The following EIF4G1 variants were observed in gnomAD, a reference collection of about 807,000 sequenced individuals.
EIF4G1 encodes EIF4-gamma.
Under a neutral mutation model 187.8 loss-of-function variants are expected in EIF4G1, and 4 were observed. That is an observed-to-expected ratio of 0.02 (90% CI 0.01 to 0.05). The LOEUF (loss-of-function observed/expected upper bound fraction) is 0.05. EIF4G1 is among the 10% of genes least tolerant of loss of function. EIF4G1 has a pLI of 1.00. For synonymous variants in EIF4G1, 844 were observed against 781.4 expected (o/e 1.08, Z -1.34); for missense variants, 1,647 against 2,081.1 (o/e 0.79, Z 4.06).
In EIF4G1 at chr3:184,328,948, T is replaced by A; in HGVS notation, c.4119T>A (p.Ala1373=). The A allele has an allele frequency of 1.2e-6, 2 of 1,614,172 alleles. No individual in the cohort carries two copies. The highest frequency in any genetic ancestry group is 2.7e-5 in the African/African-American group (2 of 75,028). ...CTCTGAGACCGTTGGGCAAAGCTGC[T>A]TCCCTGTTGCTGGAGATCCTGGGCC... ...TKPLRPLGKA[A]SLLLEILGLL... The change falls in exon 28 of 33, where the codon GCT becomes GCA. Residue 1373 remains alanine, a synonymous_variant. Coordinates refer to ENST00000346169, the MANE Select transcript of EIF4G1 (RefSeq NM_198241.3).
At chr3:184,314,758 C>G (rs1722398724) in intron 1 of EIF4G1, 84 bp downstream of exon 1, 1 of 146,636 alleles carries the variant, frequency 6.8e-6, no homozygotes, top group Non-Finnish European at 1.5e-5. Flanking sequence ...GACCGGCCAC[C>G]CTGCGCCGCC....
At chr3:184,332,360 C>T (rs1164728519) in intron 32 of EIF4G1, among the ~76,000 whole-genome samples, 1 of 152,190 alleles carries the variant, frequency 6.6e-6, no homozygotes, top group Non-Finnish European at 1.5e-5. Context: ...TAGGATCTTC[C>T]CAGTACCGTG....
chr3:184,320,853 A>C, intron 8 of EIF4G1, 74 bp from the exon 9 acceptor site: 6 of 1,608,394 alleles, frequency 3.7e-6, no homozygotes, highest in Non-Finnish European at 5.1e-6. Context: ...GCAGAGCTAA[A>C]GTAGAAATGG....
At position 184,328,680 on chromosome 3, in the gene EIF4G1, C is replaced by A. The variant is rs1560227424; in HGVS notation, c.4003C>A (p.His1335Asn). 6.2e-7 allele frequency: 1 copy of A among 1,614,166 alleles called. No individual in the cohort carries two copies. The highest frequency in any genetic ancestry group is 8.5e-7 in the Non-Finnish European group (1 of 1,180,018). ...LAEDMEIDIP[H>N]VWLYLAELVT... The stretch of plus-strand genomic sequence containing the variant: ...TGAGGACATGGAAATTGACATCCCC[C>A]ACGTGTGGCTCTACCTAGCGGAACT... Residue 1335 changes from histidine to asparagine, a missense_variant, in exon 27 of 33, where the codon CAC becomes AAC. Transcript: ENST00000346169.
chr3:184,328,500 G>A lies in EIF4G1; in HGVS notation c.3954-131G>A. 7 of 1,327,620 alleles carry A rather than the reference G, an allele frequency of 5.3e-6. No individual in the cohort carries two copies. In the South Asian group the frequency reaches 7.1e-5, roughly 13 times the overall value. 82.2% of individuals were successfully genotyped at this position (1,327,620 alleles called of 1,614,324 possible). On this transcript the variant is annotated intron_variant, in intron 26 of 32. Transcript: ENST00000346169. ...AAGGACACAGAGGTGGCCTTAGCTT[G>A]AAATAATTGTCCCCATGTCTAGAAA...
Position 184,325,138 on chromosome 3 carries a change from G to A in EIF4G1, c.2856+24G>A. On this transcript the variant is annotated intron_variant, in intron 18 of 32. Coordinates refer to ENST00000346169, the MANE Select transcript of EIF4G1 (RefSeq NM_198241.3). The surrounding 1 kb of genome is among the most constrained non-coding windows in gnomAD (Gnocchi z 5.2). ...AGGTAGAGGTCCTTGCATCTGGAGGGGGATGGGCTGAAGCATATGTGGGGC... is the reference window on the plus strand; with the variant it reads ...AGGTAGAGGTCCTTGCATCTGGAGGAGGATGGGCTGAAGCATATGTGGGGC... 1 of 1,612,212 alleles carries A rather than the reference G, an allele frequency of 6.2e-7. No individual in the cohort carries two copies. Among genetic ancestry groups the A allele is most frequent in the Non-Finnish European group, 8.5e-7 (1 of 1,178,322 alleles).
Position 184,334,966 on chromosome 3 carries a change from G to T in EIF4G1, c.*58G>T. On this transcript the variant is annotated 3_prime_UTR_variant, in exon 33 of 33. Transcript: ENST00000346169. The surrounding 1 kb of genome is among the most constrained non-coding windows in gnomAD (Gnocchi z 5.8). ...GGACACACAGATGGCCCGGCTAGCC[G>T]CCTGGACTGCAGGGGGGCGGCAGCA... 2 of 1,605,976 alleles carry T rather than the reference G, an allele frequency of 1.2e-6. No individual in the cohort carries two copies. Among genetic ancestry groups the T allele is most frequent in the Non-Finnish European group, 8.5e-7 (1 of 1,176,328 alleles).
chr3:184,320,251 T>C, intron 7 of EIF4G1: 1 of 1,219,134 alleles, frequency 8.2e-7, no homozygotes, highest in Non-Finnish European at 1.0e-6. Flanking sequence ...TGGCTCCACC[T>C]ACTGGATCTG....
At position 184,332,061 on chromosome 3, in the gene EIF4G1, T is replaced by C. The variant is rs1726216006; in HGVS notation, c.4593T>C (p.Leu1531=). 1 of 1,614,102 alleles carries C rather than the reference T, an allele frequency of 6.2e-7. No homozygotes were observed. Among genetic ancestry groups the C allele is most frequent in the East Asian group, 2.2e-5 (1 of 44,868 alleles). The change falls in exon 32 of 33, where the codon CTT becomes CTC. Residue 1531 remains leucine, a synonymous_variant. Coordinates refer to ENST00000346169, the MANE Select transcript of EIF4G1 (RefSeq NM_198241.3). Reference sequence around the variant, plus strand: ...AGGCGCTCTACGCCCTCCAGGCCCTTGTAGTGACCTTAGAACAGCCTCCCA... The same window carrying C: ...AGGCGCTCTACGCCCTCCAGGCCCTCGTAGTGACCTTAGAACAGCCTCCCA... The part of the protein sequence containing the change: ...ELQALYALQA[L]VVTLEQPPNL...
rs768520497 is a variant in EIF4G1 at position 184,321,810 on chromosome 3, C to T, written c.1226C>T (p.Ser409Leu). 27 of 1,613,894 alleles carry T rather than the reference C, an allele frequency of 1.7e-5. No individual in the cohort carries two copies. Among genetic ancestry groups the T allele is most frequent in the Admixed American group, 5.0e-5 (3 of 60,000 alleles). Residue 409 changes from serine (S) to leucine (L), a missense_variant, in exon 10 of 33, where the codon TCG (serine) becomes TTG (leucine). By Grantham distance (145) the Ser-to-Leu change is moderately radical. Coordinates refer to ENST00000346169, the MANE Select transcript of EIF4G1 (RefSeq NM_198241.3). ...QPEELLNGAPSPPAVDLSPVS... is the reference protein window; with the variant it reads ...QPEELLNGAPLPPAVDLSPVS... ...GAGGAACTGCTCAACGGAGCCCCCT[C>T]GCCACCAGCTGTGGACTTAAGCCCA...
chr3:184,331,461 T>G lies in EIF4G1; in HGVS notation c.4261-11T>G. On this transcript the variant is annotated splice_polypyrimidine_tract_variant and intron_variant, in intron 29 of 32. Coordinates refer to ENST00000346169, the MANE Select transcript of EIF4G1 (RefSeq NM_198241.3). ...ACCTTACCTCTTAACTGCGGGCCTTTTCCATTGCAGAAGGTGGAGTATACC... is the reference window on the plus strand; with the variant it reads ...ACCTTACCTCTTAACTGCGGGCCTTGTCCATTGCAGAAGGTGGAGTATACC... The G allele has an allele frequency of 1.2e-6, 2 of 1,614,180 alleles. No individual in the cohort carries two copies. The highest frequency in any genetic ancestry group is 1.7e-6 in the Non-Finnish European group (2 of 1,180,046).
At position 184,328,951 on chromosome 3, in the gene EIF4G1, C is replaced by T. The variant is rs755642198; in HGVS notation, c.4122C>T (p.Ser1374=). The T allele has an allele frequency of 5.0e-6, 8 of 1,614,140 alleles. No homozygotes were observed. The East Asian group carries it at 8.9e-5, about 18-fold the overall frequency. ...TGAGACCGTTGGGCAAAGCTGCTTC[C>T]CTGTTGCTGGAGATCCTGGGCCTCC... The part of the protein sequence containing the change: ...KPLRPLGKAA[S]LLLEILGLLC... The change falls in exon 28 of 33, where the codon TCC becomes TCT. Residue 1374 remains serine, a synonymous_variant. Transcript: ENST00000346169.
In EIF4G1 at chr3:184,317,984, T is replaced by G. The variant is rs202146926; in HGVS notation, c.424+168T>G. Reference sequence around the variant, plus strand: ...CTTAATATTTAACTGGTGTTGATTGTGGGGAGAAAATTTGATTTTATTGCC... The same window carrying G: ...CTTAATATTTAACTGGTGTTGATTGGGGGGAGAAAATTTGATTTTATTGCC... On this transcript the variant is annotated intron_variant, in intron 6 of 32. Coordinates refer to ENST00000346169, the MANE Select transcript of EIF4G1 (RefSeq NM_198241.3). Among the ~76,000 whole-genome samples the G allele has an allele frequency of 4.6e-5, 7 of 152,318 alleles. No homozygotes were observed. The East Asian group carries it at 1.3e-3, about 29-fold the overall frequency.
At position 184,327,339 on chromosome 3, in the gene EIF4G1, G is replaced by T. The variant is rs1560224420; in HGVS notation, c.3552G>T (p.Arg1184=). The change falls in exon 24 of 33, where the codon CGG becomes CGT. Residue 1184 remains arginine, a synonymous_variant. Transcript: ENST00000346169. ...GTGCGCGGACACCTGCTACCAAGCG[G>T]AGCTTCAGCAAGGAAGTGGAGGAGC... ...LDRARTPATK[R]SFSKEVEERS... is the part of the protein sequence containing the mutation. 2 of 1,613,804 alleles carry T rather than the reference G, an allele frequency of 1.2e-6. No individual in the cohort carries two copies.
At chr3:184,324,377 C>A in intron 17 of EIF4G1, 30 bp downstream of exon 17, 1 of 1,614,008 alleles carries the variant, frequency 6.2e-7, no homozygotes, top group Non-Finnish European at 8.5e-7. Context: ...CGATTCCACT[C>A]ACCACTTACC....
Position 184,328,695 on chromosome 3 carries a change from C to G in EIF4G1, c.4018C>G (p.Leu1340Val). 6.2e-7 allele frequency: 1 copy of G among 1,614,194 alleles called. No homozygotes were observed. The highest frequency in any genetic ancestry group is 8.5e-7 in the Non-Finnish European group (1 of 1,180,042). ...EIDIPHVWLY[L>V]AELVTPILQE... is the part of the protein sequence containing the mutation. ...TGACATCCCCCACGTGTGGCTCTAC[C>G]TAGCGGAACTGGTAACACCCATTCT... The change falls in exon 27 of 33, where the codon CTA (leucine) becomes GTA (valine). Residue 1340 changes from leucine (L) to valine (V), a missense_variant. Physicochemically the swap from Leu to Val is conservative, Grantham distance 32. Around this residue, in one of 11 missense-constraint regions of EIF4G1, gnomAD observed 543 missense variants for 638.0 expected, o/e 0.85. Transcript: ENST00000346169.
intron 4 of EIF4G1, chr3:184,316,793 G>C: frequency 2.6e-6 from 4 of 1,543,080 alleles, no homozygotes; most frequent in Non-Finnish European, 3.5e-6. Flanking sequence ...CTCCACCCTA[G>C]TCAGGGGCTA....
rs1313044993 is a variant in EIF4G1 at position 184,327,363 on chromosome 3, G to A, written c.3576G>A (p.Glu1192=). 6.2e-7 allele frequency: 1 copy of A among 1,613,560 alleles called. No homozygotes were observed. The highest frequency in any genetic ancestry group is 8.5e-7 in the Non-Finnish European group (1 of 1,180,052). Residue 1192 remains glutamate, a synonymous_variant, in exon 24 of 33, where the codon GAG becomes GAA. Coordinates refer to ENST00000346169, the MANE Select transcript of EIF4G1 (RefSeq NM_198241.3). ...GGAGCTTCAGCAAGGAAGTGGAGGA[G>A]CGGAGTAGAGAACGGCCCTCCCAGC... ...TKRSFSKEVE[E]RSRERPSQPE...
rs764051517 is a variant in EIF4G1 at position 184,323,531 on chromosome 3, A to G, written c.2212A>G (p.Ser738Gly). The change falls in exon 15 of 33, where the codon AGC (serine) becomes GGC (glycine). Residue 738 changes from serine to glycine, a missense_variant. Ser to Gly is a moderately conservative substitution (Grantham distance 56, BLOSUM62 0). Transcript: ENST00000346169. This position sits in a 1 kb window ranked among gnomAD's most constrained non-coding sequence, Gnocchi z 6.9. The part of the protein sequence containing the change: ...NKAEKAWKPS[S>G]KRTAADKDRG... ...AGCAGAGAAAGCCTGGAAACCCAGC[A>G]GCAAGCGGACGGCGGCTGATAAGGA... 3 of 1,614,092 alleles carry G rather than the reference A, an allele frequency of 1.9e-6. No homozygotes were observed. The highest frequency in any genetic ancestry group is 2.2e-5 in the East Asian group (1 of 44,880).
Sources: allele counts gnomAD v4.1 joint callset (sites outside exome capture counted in the v4.1 genomes callset), GRCh38; gene constraint gnomAD v4.1.1; regional missense constraint gnomAD v4.1.1; non-coding constraint Gnocchi (gnomAD v3.1); transcripts MANE v1.5; gene names NCBI Gene and HGNC (gene_info 2026-07-23, HGNC 2026-07-21).